The following TRRAP variants were observed in gnomAD, a reference collection of about 807,000 sequenced individuals.
The protein encoded by TRRAP is transformation/transcription domain-associated protein.
A neutral mutation model predicts 438.8 loss-of-function variants in TRRAP; 41 were observed. That is an observed-to-expected ratio of 0.09 (90% CI 0.07 to 0.12). The LOEUF (loss-of-function observed/expected upper bound fraction) is 0.12, where lower values mean the gene tolerates loss of function less well. Ranked by LOEUF, TRRAP falls within the 10% of genes least tolerant of loss-of-function variation. TRRAP has a pLI of 1.00. For synonymous variants in TRRAP, 1,994 were observed against 1,962.9 expected (o/e 1.02, Z -0.42); for missense variants, 3,122 against 5,055.1 (o/e 0.62, Z 11.60).
chr7:99,008,226 G>A (rs1794281885), intron 69 of TRRAP, 151 bp from the exon 70 acceptor site: 1 of 727,020 alleles, frequency 1.4e-6, no homozygotes, highest in South Asian at 1.8e-5. Context: ...TTGAGCAAAT[G>A]GATGGTGCAT....
chr7:98,990,386 G>T (rs1194024169), intron 63 of TRRAP, 69 bp from the exon 64 acceptor site: 3 of 1,570,138 alleles, frequency 1.9e-6, no homozygotes, highest in Admixed American at 1.7e-5. Context: ...TGTAATGTTG[G>T]GGAAAAAGTC....
chr7:98,984,111 A>T lies in TRRAP; in HGVS notation c.9041A>T (p.Glu3014Val). ...CCTCTAGCGATTGTAACTGCCTATG[A>T]GAATAGCTCTCAGCATGATCCCAGT... ...HHYQAIVTAYENSSQHDPSSN... is the reference protein window; with the variant it reads ...HHYQAIVTAYVNSSQHDPSSN... The change falls in exon 61 of 73, where the codon GAG becomes GTG. Residue 3014 changes from glutamate to valine, a missense_variant. By Grantham distance (121) the Glu-to-Val change is moderately radical. Coordinates refer to ENST00000456197, the MANE Select transcript of TRRAP (RefSeq NM_001375524.1). The T allele has an allele frequency of 6.2e-7, 1 of 1,608,728 alleles. No individual in the cohort carries two copies. The highest frequency in any genetic ancestry group is 8.5e-7 in the Non-Finnish European group (1 of 1,177,164).
At chr7:98,995,656 C>CT (rs1793618046) in intron 67 of TRRAP, among the ~76,000 whole-genome samples, 1 of 149,350 alleles carries the variant, frequency 6.7e-6, no homozygotes, top group Non-Finnish European at 1.5e-5. Context: ...ATCCCCCCCC[C>CT]ACCATCTACA....
At position 98,930,629 on chromosome 7, in the gene TRRAP, C is replaced by A. The variant is rs142232064; in HGVS notation, c.3394-4C>A. 393 of 1,613,222 alleles carry A rather than the reference C, an allele frequency of 2.4e-4. No homozygotes were observed. In the African/African-American group the frequency reaches 4.1e-3, roughly 17 times the overall value. ...TGTTGTGGTTTGTTCATTTTCCTCT[C>A]CAGGCCTGCCAGCTGCCCCTGTTTT... On this transcript the variant is annotated splice_polypyrimidine_tract_variant and splice_region_variant and intron_variant, in intron 24 of 72. Coordinates refer to ENST00000456197, the MANE Select transcript of TRRAP (RefSeq NM_001375524.1).
chr7:98,908,642 TG>T lies in TRRAP; in HGVS notation c.1116-82del. 7.9e-7 allele frequency: 1 copy of T among 1,261,928 alleles called. No individual in the cohort carries two copies. The highest frequency in any genetic ancestry group is 1.1e-6 in the Non-Finnish European group (1 of 906,648). 78.2% of individuals were successfully genotyped at this position (1,261,928 alleles called of 1,614,324 possible). ...TGTGCCGACCCAGGGGTGGTGTTCC[TG>T]GGGCAGATGGTGATATCCTTGGTGG... On this transcript the variant is annotated intron_variant, in intron 13 of 72. Coordinates refer to ENST00000456197, the MANE Select transcript of TRRAP (RefSeq NM_001375524.1). The surrounding 1 kb of genome is among the most constrained non-coding windows in gnomAD (Gnocchi z 4.1).
Position 98,925,276 on chromosome 7 carries a change from C to G in TRRAP, c.2975+13C>G. On this transcript the variant is annotated intron_variant, in intron 22 of 72. Coordinates refer to ENST00000456197, the MANE Select transcript of TRRAP (RefSeq NM_001375524.1). ...TGGCACACCCCAAGTATGTCGGCCA[C>G]TTCCTTCTGTGTGGTTGGGTGGATC... 1 of 1,612,440 alleles carries G rather than the reference C, an allele frequency of 6.2e-7. No individual in the cohort carries two copies. The highest frequency in any genetic ancestry group is 1.1e-5 in the South Asian group (1 of 90,766).
chr7:98,938,801 AGTT>A (rs1554414910), intron 30 of TRRAP, among the ~76,000 whole-genome samples: 4 of 152,204 alleles, frequency 2.6e-5, no homozygotes, highest in African/African-American at 9.6e-5. Flanking sequence ...GTACATTTCT[AGTT>A]GTAGAATTTC....
Position 98,948,783 on chromosome 7 carries a change from T to A in TRRAP, c.4788+98T>A. On this transcript the variant is annotated intron_variant, in intron 35 of 72. Transcript: ENST00000456197. This position sits in a 1 kb window ranked among gnomAD's most constrained non-coding sequence, Gnocchi z 4.9. ...GTTCATATTTCACTATTCAGTGTCC[T>A]GGCTGCTTTTTTTTCAGATCCATTT... 1 of 1,565,038 alleles carries A rather than the reference T, an allele frequency of 6.4e-7. No homozygotes were observed. Among genetic ancestry groups the A allele is most frequent in the Non-Finnish European group, 8.6e-7 (1 of 1,157,060 alleles).
At chr7:98,939,562 A>C (rs1273806886) in intron 30 of TRRAP, among the ~76,000 whole-genome samples, 2 of 152,236 alleles carry the variant, frequency 1.3e-5, no homozygotes, top group East Asian at 1.9e-4. Flanking sequence ...GAATTTTCCA[A>C]ATTGGGGACT....
At position 98,930,055 on chromosome 7, in the gene TRRAP, A is replaced by C; in HGVS notation, c.3242A>C (p.Glu1081Ala). 6.2e-7 allele frequency: 1 copy of C among 1,614,236 alleles called. No homozygotes were observed. Among genetic ancestry groups the C allele is most frequent in the Non-Finnish European group, 8.5e-7 (1 of 1,180,050 alleles). The change falls in exon 24 of 73, where the codon GAA becomes GCA. Residue 1081 changes from glutamate (E) to alanine (A), a missense_variant. By Grantham distance (107) the Glu-to-Ala change is moderately radical. Transcript: ENST00000456197. ...AGCACAGCCATGTTTCACAGTGAAG[A>C]AAATGGCTCGAAAGGAATGGATCCT... ...QPSTAMFHSE[E>A]NGSKGMDPLV... is the part of the protein sequence containing the mutation.
chr7:98,952,126 G>C (rs1321683340), intron 39 of TRRAP, among the ~76,000 whole-genome samples: 1 of 152,188 alleles, frequency 6.6e-6, no homozygotes, highest in African/African-American at 2.4e-5. Flanking sequence ...CTGTTTTTCA[G>C]AATTATTAAG....
At chr7:98,910,444 GACAA>G in intron 15 of TRRAP, 25 bp downstream of exon 15, 2 of 1,612,030 alleles carry the variant, frequency 1.2e-6, no homozygotes, top group East Asian at 2.2e-5. Flanking sequence ...CAGTTATGTA[GACAA>G]ACAATAGTTT....
chr7:98,986,739 T>A (rs1170603537), intron 62 of TRRAP, among the ~76,000 whole-genome samples: 1 of 152,208 alleles, frequency 6.6e-6, no homozygotes, highest in East Asian at 1.9e-4. Context: ...CTTTTGTTGC[T>A]CATACTTTTC....
intron 65 of TRRAP, among the ~76,000 whole-genome samples, chr7:98,993,337 C>T (rs1158433523): frequency 6.6e-6 from 1 of 152,234 alleles, no homozygotes; most frequent in East Asian, 1.9e-4. Flanking sequence ...TAGACAACTG[C>T]GCTGTCCCTC....
At chr7:98,902,908 T>TAA (rs34223624) in intron 11 of TRRAP, among the ~76,000 whole-genome samples, 91,366 of 131,732 alleles carry the variant, frequency 0.69, 34,754 homozygotes, top group South Asian at 0.85. Context: ...CCCCCATTTC[T>TAA]AAAAAAAAAA....
intron 45 of TRRAP, 24 bp downstream of exon 45, chr7:98,959,514 C>T (rs769728792): frequency 8.7e-6 from 14 of 1,605,820 alleles, no homozygotes; most frequent in East Asian, 2.2e-5. Flanking sequence ...TCTGAAGGGC[C>T]AGGGCAGCGC....
chr7:98,962,566 C>T (rs1394129148), intron 47 of TRRAP, 139 bp downstream of exon 47: 1 of 1,505,190 alleles, frequency 6.6e-7, no homozygotes, highest in Non-Finnish European at 9.0e-7. Context: ...GTGTCTGTTG[C>T]CTGGGGCCCT....
intron 67 of TRRAP, among the ~76,000 whole-genome samples, chr7:98,995,254 C>T (rs1266612525): frequency 1.3e-5 from 2 of 151,734 alleles, no homozygotes; most frequent in Non-Finnish European, 2.9e-5. Flanking sequence ...CCGGGTGAGC[C>T]GGTAGGAGAT....
intron 63 of TRRAP, among the ~76,000 whole-genome samples, chr7:98,989,997 G>C (rs1584398395): frequency 6.6e-6 from 1 of 152,204 alleles, no homozygotes; most frequent in South Asian, 2.1e-4. Context: ...GGAGGCCAAG[G>C]TGGGTGGATC....
Sources: allele counts gnomAD v4.1 joint callset (sites outside exome capture counted in the v4.1 genomes callset), GRCh38; gene constraint gnomAD v4.1.1; non-coding constraint Gnocchi (gnomAD v3.1); transcripts MANE v1.5; gene names NCBI Gene and HGNC (gene_info 2026-07-23, HGNC 2026-07-21).